Variants in MYRIP observed in about 807,000 individuals in gnomAD.
MYRIP encodes the protein myosin VIIA and Rab interacting protein.
In MYRIP, 49 loss-of-function variants were observed where a neutral mutation model predicts 98.0. The ratio of observed to expected loss-of-function variants is 0.50; its 90% CI spans 0.40 to 0.63. MYRIP has a LOEUF of 0.63. Among genes scored for constraint, MYRIP ranks in the 30% least tolerant of loss-of-function variants. The pLI is 0.00. For missense variants in MYRIP, 1,004 were observed against 1,058.2 expected (o/e 0.95, Z 0.71); for synonymous variants, 404 against 409.5 (o/e 0.99, Z 0.16).
chr3:39,897,449 A>G (rs1943638988), intron 1 of MYRIP, among the ~76,000 whole-genome samples: 1 of 152,224 alleles, frequency 6.6e-6, no homozygotes, highest in Non-Finnish European at 1.5e-5. Context: ...TTTTCTCATT[A>G]GTAAATTTAA....
intron 2 of MYRIP, among the ~76,000 whole-genome samples, chr3:39,995,768 G>A (rs1467583092): frequency 6.6e-6 from 1 of 152,166 alleles, no homozygotes; most frequent in Non-Finnish European, 1.5e-5. Flanking sequence ...AGGAAAAAAT[G>A]TTAAGGGCAG....
intron 10 of MYRIP, among the ~76,000 whole-genome samples, chr3:40,204,115 AAATATAGAGTATT>A (rs1951704256): frequency 3.2e-5 from 1 of 30,856 alleles, no homozygotes; most frequent in African/African-American, 1.0e-4. Flanking sequence ...TATAATATAT[AAATATAGAGTATT>A]ATATAATATA....
chr3:39,954,724 C>T (rs541466566), intron 2 of MYRIP, among the ~76,000 whole-genome samples: 2 of 152,184 alleles, frequency 1.3e-5, no homozygotes, highest in East Asian at 3.9e-4. Context: ...ACAAACTTCT[C>T]CAAGCTGAAG....
At chr3:40,252,808 C>G (rs1953419192) in intron 16 of MYRIP, among the ~76,000 whole-genome samples, 1 of 152,154 alleles carries the variant, frequency 6.6e-6, no homozygotes, top group South Asian at 2.1e-4. Flanking sequence ...CTTAATCTCC[C>G]TGTAAGTTTA....
intron 10 of MYRIP, among the ~76,000 whole-genome samples, chr3:40,194,906 G>A (rs1559446315): frequency 6.6e-6 from 1 of 152,082 alleles, no homozygotes; most frequent in Non-Finnish European, 1.5e-5. Context: ...TTATAACTTA[G>A]TTCCCTAATG....
At chr3:40,169,849 A>G in intron 7 of MYRIP, 101 bp from the exon 8 acceptor site, 1 of 1,424,476 alleles carries the variant, frequency 7.0e-7, no homozygotes, top group Non-Finnish European at 9.7e-7. Flanking sequence ...AATTAAGCTT[A>G]TAAGTGGCTG....
At chr3:39,848,378 A>G (rs536372599) in intron 1 of MYRIP, among the ~76,000 whole-genome samples, 3 of 152,382 alleles carry the variant, frequency 2.0e-5, no homozygotes, top group African/African-American at 7.2e-5. Flanking sequence ...ATTTATCAAA[A>G]TACAGAGTTC....
intron 11 of MYRIP, among the ~76,000 whole-genome samples, chr3:40,225,653 A>C (rs1952466146): frequency 6.6e-6 from 1 of 152,170 alleles, no homozygotes. Flanking sequence ...TGGGATTAAA[A>C]TATCAACCAT....
Position 40,200,638 on chromosome 3 carries a change from A to G in MYRIP, c.1666-9216A>G, listed in dbSNP as rs543255093. On this transcript the variant is annotated intron_variant, in intron 10 of 16. Coordinates refer to ENST00000302541, the MANE Select transcript of MYRIP (RefSeq NM_015460.4). ...CTATGGCTTTTACTTGTATGTAGCA[A>G]TAAAACCATGTCAATTCCATGAAAG... Among the ~76,000 whole-genome samples, 3 of 152,226 alleles carry G rather than the reference A, an allele frequency of 2.0e-5. No homozygotes were observed. The South Asian group carries it at 6.2e-4, about 31-fold the overall frequency.
intron 3 of MYRIP, among the ~76,000 whole-genome samples, chr3:40,114,903 A>G (rs1949239604): frequency 6.6e-6 from 1 of 152,208 alleles, no homozygotes; most frequent in African/African-American, 2.4e-5. Flanking sequence ...TGATATAGAA[A>G]TGCACACACG....
chr3:39,901,731 C>T (rs568431208), intron 2 of MYRIP, among the ~76,000 whole-genome samples: 1 of 152,006 alleles, frequency 6.6e-6, no homozygotes, highest in Non-Finnish European at 1.5e-5. Flanking sequence ...TTTGATTATC[C>T]AACAGCTAGA....
intron 2 of MYRIP, among the ~76,000 whole-genome samples, chr3:40,034,658 G>T (rs550890576): frequency 7.0e-6 from 1 of 143,666 alleles, no homozygotes; most frequent in Admixed American, 6.8e-5. Context: ...TGTGGAAGTG[G>T]GTGTGGTGAT....
chr3:40,160,463 C>T (rs1950358912), intron 4 of MYRIP, among the ~76,000 whole-genome samples: 1 of 152,152 alleles, frequency 6.6e-6, no homozygotes, highest in Admixed American at 6.5e-5. Flanking sequence ...CTGTGCCCTG[C>T]CCCCAGAGGT....
intron 1 of MYRIP, among the ~76,000 whole-genome samples, chr3:39,835,314 G>C (rs966104932): frequency 6.8e-6 from 1 of 146,258 alleles, no homozygotes; most frequent in Admixed American, 6.8e-5. Context: ...TAAAATCTTT[G>C]TTTTAAAAAC....
At chr3:40,203,661 A>T (rs1228696452) in intron 10 of MYRIP, among the ~76,000 whole-genome samples, 1 of 127,408 alleles carries the variant, frequency 7.8e-6, no homozygotes, top group Non-Finnish European at 1.6e-5. Context: ...ATATATATAT[A>T]TTTATATATT....
chr3:40,087,295 G>T (rs1337787487), intron 3 of MYRIP, among the ~76,000 whole-genome samples: 1 of 152,156 alleles, frequency 6.6e-6, no homozygotes, highest in African/African-American at 2.4e-5. Flanking sequence ...TGCTGTGGAT[G>T]AAATTCAGTG....
Position 39,940,062 on chromosome 3 carries a change from T to G in MYRIP, c.110+39136T>G, listed in dbSNP as rs532934036. 5.9e-5 allele frequency among the ~76,000 whole-genome samples: 9 copies of G among 152,266 alleles called. No individual in the cohort carries two copies. The South Asian group carries it at 1.0e-3, about 18-fold the overall frequency. Reference sequence around the variant, plus strand: ...TGCAAAGTAATATATGCTTAATGTTTGTATAATAGTAGATACTACTCAATA... The same window carrying G: ...TGCAAAGTAATATATGCTTAATGTTGGTATAATAGTAGATACTACTCAATA... On this transcript the variant is annotated intron_variant, in intron 2 of 16. Transcript: ENST00000302541.
At chr3:40,134,680 C>A (rs762667716) in intron 3 of MYRIP, among the ~76,000 whole-genome samples, 5 of 152,292 alleles carry the variant, frequency 3.3e-5, no homozygotes, top group East Asian at 1.9e-4. Flanking sequence ...TCCTCTGAGA[C>A]AAAACTTCCA....
At chr3:39,868,605 A>C (rs1942691750) in intron 1 of MYRIP, among the ~76,000 whole-genome samples, 1 of 152,130 alleles carries the variant, frequency 6.6e-6, no homozygotes, top group African/African-American at 2.4e-5. Flanking sequence ...TATATTAACC[A>C]TATCTTTTAT....
Sources: allele counts gnomAD v4.1 joint callset (sites outside exome capture counted in the v4.1 genomes callset), GRCh38; gene constraint gnomAD v4.1.1; transcripts MANE v1.5; gene names NCBI Gene and HGNC (gene_info 2026-07-23, HGNC 2026-07-21).